The following TRIO variants were observed in gnomAD, a reference collection of about 807,000 sequenced individuals.
The protein encoded by TRIO is trio Rho guanine nucleotide exchange factor, also known as triple functional domain protein.
Under a neutral mutation model 351.9 loss-of-function variants are expected in TRIO, and 58 were observed. That is an observed-to-expected ratio of 0.16 (90% confidence interval 0.13 to 0.21). The LOEUF (loss-of-function observed/expected upper bound fraction) is 0.21. Among genes scored for constraint, TRIO ranks in the 10% least tolerant of loss-of-function variants. TRIO has a pLI of 1.00. For missense variants in TRIO, 3,201 were observed against 4,027.8 expected, an observed-to-expected ratio of 0.79 and a Z score of 5.56; for synonymous variants, 1,758 against 1,595.7, an observed-to-expected ratio of 1.10 and a Z score of -2.42.
At chr5:14,211,096 A>G (rs1045819786) in intron 1 of TRIO, among the ~76,000 whole-genome samples, 2 of 152,216 alleles carry the variant, frequency 1.3e-5, no homozygotes, top group South Asian at 2.1e-4. Context: ...TAAAAGTCAC[A>G]TTATTTTTAG....
chr5:14,309,049 TTATC>T (rs1738664341), intron 8 of TRIO, among the ~76,000 whole-genome samples: 1 of 150,812 alleles, frequency 6.6e-6, no homozygotes, highest in Non-Finnish European at 1.5e-5. Flanking sequence ...ACTCATTCAT[TTATC>T]TATCTACCCA....
At chr5:14,164,796 C>A (rs1448995491) in intron 1 of TRIO, among the ~76,000 whole-genome samples, 1 of 152,230 alleles carries the variant, frequency 6.6e-6, no homozygotes, top group African/African-American at 2.4e-5. Flanking sequence ...AGAGGGATTT[C>A]ATCATTGGAG....
chr5:14,295,196 T>G (rs1254852660), intron 6 of TRIO, among the ~76,000 whole-genome samples: 1 of 152,202 alleles, frequency 6.6e-6, no homozygotes, highest in Non-Finnish European at 1.5e-5. Context: ...AAAATAAGGA[T>G]ACTAAATACC....
At chr5:14,184,128 T>A (rs538292902) in intron 1 of TRIO, among the ~76,000 whole-genome samples, 1 of 152,212 alleles carries the variant, frequency 6.6e-6, no homozygotes, top group Non-Finnish European at 1.5e-5. Flanking sequence ...TTGGGTGCCA[T>A]GTCTGTTAAA....
intron 11 of TRIO, among the ~76,000 whole-genome samples, chr5:14,345,005 T>C (rs56712870): frequency 0.034 from 5,193 of 152,224 alleles, 326 homozygotes; most frequent in African/African-American, 0.12. Context: ...TTCCTCCAAA[T>C]AAACATGTAT....
At chr5:14,429,680 G>GTA (rs1240197779) in intron 34 of TRIO, among the ~76,000 whole-genome samples, 2 of 152,148 alleles carry the variant, frequency 1.3e-5, no homozygotes, top group Non-Finnish European at 2.9e-5. Flanking sequence ...TTATGTTTAG[G>GTA]TATTTTACAT....
chr5:14,476,754 A>G, intron 40 of TRIO, 140 bp from the exon 41 acceptor site: 1 of 653,934 alleles, frequency 1.5e-6, no homozygotes, highest in African/African-American at 1.8e-5. Flanking sequence ...AGATCACACC[A>G]CTGCACTCCA....
chr5:14,295,636 T>C (rs747276288), intron 6 of TRIO, among the ~76,000 whole-genome samples: 13 of 152,192 alleles, frequency 8.5e-5, no homozygotes, highest in Non-Finnish European at 1.6e-4. Flanking sequence ...TTTAAGGATA[T>C]AGAGAAAGCA....
rs1199665835 is a variant in TRIO, at chr5:14,290,769, A to G, written c.594A>G (p.Leu198=). The part of the protein sequence containing the change: ...GLTKVVDPSQ[L]TPEFDGCLEY... ...CCAAAGTAGTTGATCCTTCTCAGCTAACTCCTGAGTTTGATGGCTGCCTGG... is the reference window on the plus strand; with the variant it reads ...CCAAAGTAGTTGATCCTTCTCAGCTGACTCCTGAGTTTGATGGCTGCCTGG... The change falls in exon 5 of 57, where the codon CTA becomes CTG. Residue 198 remains leucine (L), a synonymous_variant. Coordinates refer to ENST00000344204, the MANE Select transcript of TRIO (RefSeq NM_007118.4). The G allele has an allele frequency of 5.0e-6, 8 of 1,614,180 alleles. No individual in the cohort carries two copies. Among genetic ancestry groups the G allele is most frequent in the South Asian group, 1.1e-5 (1 of 91,072 alleles).
rs192731214 is a variant in TRIO, at chr5:14,203,989, G to A, written c.157+60107G>A. ...AAGATGCCTGGTACTTTTAAGTAAAGCAACAAATGTAGGAAGAATTGAACT... is the reference window on the plus strand; with the variant it reads ...AAGATGCCTGGTACTTTTAAGTAAAACAACAAATGTAGGAAGAATTGAACT... On this transcript the variant is annotated intron_variant, in intron 1 of 56. Transcript: ENST00000344204. 2.6e-5 allele frequency among the ~76,000 whole-genome samples: 4 copies of A among 152,334 alleles called. No individual in the cohort carries two copies. In the East Asian group the frequency reaches 7.7e-4, roughly 29 times the overall value.
chr5:14,480,700 A>G (rs563528247), intron 43 of TRIO, among the ~76,000 whole-genome samples: 2 of 152,340 alleles, frequency 1.3e-5, no homozygotes, highest in Non-Finnish European at 2.9e-5. Context: ...AACAGGAACA[A>G]TTGGATAGAT....
At chr5:14,413,072 G>A (rs1036521747) in intron 33 of TRIO, among the ~76,000 whole-genome samples, 4 of 152,154 alleles carry the variant, frequency 2.6e-5, no homozygotes, top group African/African-American at 9.7e-5. Flanking sequence ...TGCCTCACTC[G>A]GGCTATTGGC....
chr5:14,420,244 C>T, intron 34 of TRIO: 1 of 631,056 alleles, frequency 1.6e-6, no homozygotes, highest in Non-Finnish European at 2.6e-6. Context: ...TCCTCACTTC[C>T]AGGGCGGTGT....
At chr5:14,393,835 C>T (rs1747324726) in intron 27 of TRIO, among the ~76,000 whole-genome samples, 1 of 152,172 alleles carries the variant, frequency 6.6e-6, no homozygotes, top group Non-Finnish European at 1.5e-5. Context: ...CCAAAGTACC[C>T]CTTCCTCTCC....
At chr5:14,399,122 T>G (rs1247468688) in intron 30 of TRIO, 52 bp downstream of exon 30, 1 of 1,505,110 alleles carries the variant, frequency 6.6e-7, no homozygotes, top group South Asian at 1.1e-5. Flanking sequence ...AATTGCAGTC[T>G]TTTTGTAGGT....
At position 14,158,356 on chromosome 5, in the gene TRIO, C is replaced by T. The variant is rs1434013006; in HGVS notation, c.157+14474C>T. Among the ~76,000 whole-genome samples the T allele has an allele frequency of 2.0e-5, 3 of 151,140 alleles. No individual in the cohort carries two copies. The East Asian group carries it at 5.8e-4, about 29-fold the overall frequency. On this transcript the variant is annotated intron_variant, in intron 1 of 56. Transcript: ENST00000344204. Reference sequence around the variant, plus strand: ...AGAAGAAGCGCTTGAACCCGGGAGGCAGAGGGTGCAGTGAACTGAGATCAC... The same window carrying T: ...AGAAGAAGCGCTTGAACCCGGGAGGTAGAGGGTGCAGTGAACTGAGATCAC...
intron 40 of TRIO, 61 bp downstream of exon 40, chr5:14,474,158 C>G (rs1190026825): frequency 4.0e-6 from 6 of 1,511,180 alleles, no homozygotes; most frequent in Non-Finnish European, 5.5e-6. Context: ...TAAACCAAGG[C>G]AGGCCAGGCC....
intron 1 of TRIO, among the ~76,000 whole-genome samples, chr5:14,144,568 C>T (rs1421584817): frequency 6.6e-6 from 1 of 152,128 alleles, no homozygotes; most frequent in Non-Finnish European, 1.5e-5. Context: ...GGAGGGTCAG[C>T]TGGGAACGTG....
intron 34 of TRIO, among the ~76,000 whole-genome samples, chr5:14,439,685 C>A (rs1031260135): frequency 6.6e-6 from 1 of 152,212 alleles, no homozygotes; most frequent in Non-Finnish European, 1.5e-5. Context: ...GTGCAGAACT[C>A]TGCCTCTCGC....
Sources: gnomAD v4.1 joint callset for allele counts (sites outside exome capture counted in the v4.1 genomes callset) on GRCh38, gnomAD v4.1.1 for gene constraint, MANE v1.5 for transcripts, NCBI Gene and HGNC (gene_info 2026-07-23, HGNC 2026-07-21) for gene names.